EMSY: variants seen among roughly 807,000 people sequenced by gnomAD.
EMSY encodes EMSY transcriptional repressor, BRCA2 interacting.
A neutral mutation model predicts 134.6 loss-of-function variants in EMSY; 26 were observed. That is an observed-to-expected ratio of 0.19 (90% CI 0.14 to 0.27). The LOEUF is 0.27. EMSY is among the 10% of genes least tolerant of loss of function. The probability of loss-of-function intolerance (pLI) is 1.00; values close to 1 mark genes in which losing one functional copy is unlikely to be tolerated. For synonymous variants in EMSY, 579 were observed against 577.8 expected, an observed-to-expected ratio of 1.00 and a Z score of -0.03; for missense variants, 1,305 against 1,611.4, an observed-to-expected ratio of 0.81 and a Z score of 3.26.
exon 15 of EMSY, chr11:76,535,906 G>C: frequency 5.2e-6 from 8 of 1,529,754 alleles, no homozygotes; most frequent in Non-Finnish European, 7.0e-6. Context: ...TTCCCAGCCT[G>C]TAGTTCATGT....
chr11:76,448,742 A>C (rs1947527338), intron 2 of EMSY, among the ~76,000 whole-genome samples: 1 of 152,100 alleles, frequency 6.6e-6, no homozygotes. Context: ...TTATCATAAC[A>C]ATGAAACCTT....
chr11:76,538,108 T>C (rs1453437766), intron 16 of EMSY, among the ~76,000 whole-genome samples, 158 bp downstream of exon 17: 1 of 152,188 alleles, frequency 6.6e-6, no homozygotes, highest in African/African-American at 2.4e-5. Context: ...TACCCTGTCT[T>C]TAATGACTAG....
intron 12 of EMSY, 121 bp from the exon 14 acceptor site, chr11:76,526,341 T>C: frequency 1.6e-6 from 1 of 615,170 alleles, no homozygotes; most frequent in Non-Finnish European, 2.5e-6. Context: ...CATTATACTT[T>C]GTTACATAAT....
At chr11:76,505,343 G>A (rs183065259) in intron 9 of EMSY, among the ~76,000 whole-genome samples, 12 of 147,566 alleles carry the variant, frequency 8.1e-5, no homozygotes, top group Non-Finnish European at 1.6e-4. Context: ...TTACAGGCGC[G>A]CACCATCACG....
At chr11:76,510,219 G>A (rs756864712) in intron 9 of EMSY, among the ~76,000 whole-genome samples, 28 of 152,188 alleles carry the variant, frequency 1.8e-4, no homozygotes, top group Non-Finnish European at 2.9e-4. Flanking sequence ...TGAGTGTGGT[G>A]GCATATGCTT....
At chr11:76,469,543 AT>A (rs1948492760) in intron 7 of EMSY, among the ~76,000 whole-genome samples, 1 of 152,218 alleles carries the variant, frequency 6.6e-6, no homozygotes, top group Non-Finnish European at 1.5e-5. Context: ...CTTTACTGAT[AT>A]CCTTTTCACA....
chr11:76,464,630 C>T (rs1165739716), intron 7 of EMSY, among the ~76,000 whole-genome samples: 1 of 152,220 alleles, frequency 6.6e-6, no homozygotes, highest in Non-Finnish European at 1.5e-5. Flanking sequence ...CCACACTGAT[C>T]TGGATGGACC....
intron 15 of EMSY, among the ~76,000 whole-genome samples, chr11:76,536,983 G>A (rs1195461491): frequency 6.6e-6 from 1 of 152,148 alleles, no homozygotes; most frequent in African/African-American, 2.4e-5. Flanking sequence ...ACTGGTTACC[G>A]TTTATTGTAA....
intron 1 of EMSY, among the ~76,000 whole-genome samples, chr11:76,445,621 A>G (rs1371986551): frequency 6.6e-6 from 1 of 152,008 alleles, no homozygotes; most frequent in African/African-American, 2.4e-5. Flanking sequence ...GAAGGATCCT[A>G]CAAGATCCTG....
At chr11:76,523,704 C>CTTTTT (rs746491659) in intron 12 of EMSY, among the ~76,000 whole-genome samples, 10,837 of 78,870 alleles carry the variant, frequency 0.14, 684 homozygotes, top group Non-Finnish European at 0.17. Flanking sequence ...TTGTTACTTT[C>CTTTTT]TTTTTTTTTT....
chr11:76,488,375 G>A (rs960323927), intron 8 of EMSY, among the ~76,000 whole-genome samples: 3 of 152,300 alleles, frequency 2.0e-5, no homozygotes, highest in African/African-American at 4.8e-5. Flanking sequence ...CCTGAGTCAG[G>A]AGGATTGCTT....
chr11:76,445,649 C>A (rs964299778), intron 1 of EMSY, among the ~76,000 whole-genome samples: 1 of 152,108 alleles, frequency 6.6e-6, no homozygotes, highest in African/African-American at 2.4e-5. Context: ...GAGCGGGCTC[C>A]GGAAACTACT....
At chr11:76,538,621 GA>G (rs1326650400) in intron 16 of EMSY, among the ~76,000 whole-genome samples, 1 of 152,062 alleles carries the variant, frequency 6.6e-6, no homozygotes. Flanking sequence ...GGTCAAGGGG[GA>G]AAGAAGAAAT....
intron 8 of EMSY, among the ~76,000 whole-genome samples, chr11:76,493,215 C>T (rs1341826823): frequency 6.6e-6 from 1 of 152,206 alleles, no homozygotes; most frequent in Non-Finnish European, 1.5e-5. Context: ...GTGGCACTGA[C>T]GTGCCAGCCC....
intron 6 of EMSY, 150 bp from the exon 8 acceptor site, chr11:76,463,671 G>A (rs1348614801): frequency 2.7e-6 from 2 of 738,438 alleles, no homozygotes; most frequent in East Asian, 5.7e-5. Flanking sequence ...GGCATTCAGA[G>A]ACCACTTCTC....
rs1220165418 is a variant in EMSY at position 76,508,419 on chromosome 11, G to GGT, written c.1364-4964_1364-4963dup. On this transcript the variant is annotated intron_variant, in intron 9 of 20. Coordinates refer to ENST00000334736, the Ensembl canonical transcript of EMSY. ...AGTAAACCATGCTGTGAACAGATGTGGTGTCATCCAGGCTTTGTTGTTTCA... is the reference window on the plus strand; with the variant it reads ...AGTAAACCATGCTGTGAACAGATGTGGTGTGTCATCCAGGCTTTGTTGTTTCA... Among the ~76,000 whole-genome samples the GGT allele has an allele frequency of 3.3e-5, 5 of 151,830 alleles. No homozygotes were observed. In the East Asian group the frequency reaches 9.7e-4, roughly 29 times the overall value.
chr11:76,457,384 A>C (rs1347213709), intron 4 of EMSY, among the ~76,000 whole-genome samples: 1 of 152,214 alleles, frequency 6.6e-6, no homozygotes, highest in Admixed American at 6.5e-5. Context: ...AAGAGAAGTG[A>C]TACAACTACG....
At chr11:76,530,367 G>C (rs966173909) in intron 14 of EMSY, among the ~76,000 whole-genome samples, 1 of 151,944 alleles carries the variant, frequency 6.6e-6, no homozygotes, top group African/African-American at 2.4e-5. Context: ...CATCATGTTG[G>C]CCAGGCTGGT....
chr11:76,523,704 CTT>C (rs746491659), intron 12 of EMSY, among the ~76,000 whole-genome samples: 1,065 of 80,542 alleles, frequency 0.013, 9 homozygotes, highest in African/African-American at 0.049. Context: ...TTGTTACTTT[CTT>C]TTTTTTTTTT....
Sources: allele counts gnomAD v4.1 joint callset (sites outside exome capture counted in the v4.1 genomes callset), GRCh38; gene constraint gnomAD v4.1.1; transcripts MANE v1.5; gene names NCBI Gene and HGNC (gene_info 2026-07-23, HGNC 2026-07-21).